CHST15: variants seen among roughly 807,000 people sequenced by gnomAD.
The protein encoded by CHST15 is carbohydrate sulfotransferase 15.
In CHST15, 30 loss-of-function variants were observed where a neutral mutation model predicts 53.6. That is an observed-to-expected ratio of 0.56 (90% CI 0.42 to 0.76). The LOEUF (loss-of-function observed/expected upper bound fraction) is 0.76. Ranked by LOEUF, CHST15 falls within the 30% of genes least tolerant of loss-of-function variation. The pLI is 0.00. For missense variants in CHST15, 627 were observed against 740.5 expected (o/e 0.85, Z 1.78); for synonymous variants, 296 against 289.8 (o/e 1.02, Z -0.22).
In CHST15 at chr10:124,010,089, T is replaced by G; in HGVS notation, c.*60A>C. On this transcript the variant is annotated 3_prime_UTR_variant, in exon 8 of 8. Transcript: ENST00000435907. ...TGAAACAGTTCCCCGCAAAGAGATT[T>G]GTAAAATCCTGATGATGACGGCATT... 1.2e-6 allele frequency: 2 copies of G among 1,610,734 alleles called. No individual in the cohort carries two copies.
chr10:124,021,603 T>A (rs1284882692), intron 5 of CHST15, among the ~76,000 whole-genome samples, 191 bp from the exon 6 acceptor site: 1 of 152,112 alleles, frequency 6.6e-6, no homozygotes, highest in African/African-American at 2.4e-5. Context: ...CGTGGCCACC[T>A]AAGCTCTTCC....
At chr10:124,038,102 TA>T (rs1204459766) in intron 5 of CHST15, among the ~76,000 whole-genome samples, 4 of 144,558 alleles carry the variant, frequency 2.8e-5, no homozygotes, top group African/African-American at 9.9e-5. Flanking sequence ...TGTTTGTTTT[TA>T]TTTTATTTTA....
rs764252495 is a variant in CHST15 at position 124,021,379 on chromosome 10, C to T, written c.1224G>A (p.Ser408=). Reference sequence around the variant, plus strand: ...CATGGAAGTCGTCCGCGGATTTATTCGAACTTGCAAAGTAGAGATAGTCTG... The same window carrying T: ...CATGGAAGTCGTCCGCGGATTTATTTGAACTTGCAAAGTAGAGATAGTCTG... ...LYSDYLYFAS[S]NKSADDFHEK... is the part of the protein sequence containing the mutation. Residue 408 remains serine (S), a synonymous_variant, in exon 6 of 8, where the codon TCG becomes TCA. Transcript: ENST00000435907. The T allele has an allele frequency of 5.6e-6, 9 of 1,613,806 alleles. No homozygotes were observed. The highest frequency in any genetic ancestry group is 5.3e-5 in the African/African-American group (4 of 74,904).
chr10:124,021,057 A>T (rs1415444251), intron 6 of CHST15, 199 bp downstream of exon 6: 5 of 1,443,176 alleles, frequency 3.5e-6, no homozygotes, highest in Non-Finnish European at 3.6e-6. Context: ...GCAGGGAGGA[A>T]GGCAGGAGCC....
At position 124,045,744 on chromosome 10, in the gene CHST15, T is replaced by C. The variant is rs761859751; in HGVS notation, c.469A>G (p.Asn157Asp). ...AACTCAATCCTAGTTGTGATGCTGT[T>C]GATAATTAATTTAATGCTTGGATAG... ...KDYPSIKLIINSITTRIEFTT... is the reference protein window; with the variant it reads ...KDYPSIKLIIDSITTRIEFTT... Residue 157 changes from asparagine to aspartate, a missense_variant, in exon 2 of 8, where the codon AAC becomes GAC. Coordinates refer to ENST00000435907, the MANE Select transcript of CHST15 (RefSeq NM_001270764.2). 2 of 1,614,054 alleles carry C rather than the reference T, an allele frequency of 1.2e-6. No individual in the cohort carries two copies. The highest frequency in any genetic ancestry group is 1.3e-5 in the African/African-American group (1 of 74,932).
intron 1 of CHST15, among the ~76,000 whole-genome samples, chr10:124,077,188 G>A (rs978950283): frequency 1.1e-4 from 16 of 152,160 alleles, no homozygotes; most frequent in African/African-American, 1.7e-4. Context: ...CTTAGAGAAC[G>A]GCATTCCACC....
At chr10:124,045,572 AT>A in intron 2 of CHST15, 94 bp downstream of exon 2, 2 of 1,261,668 alleles carry the variant, frequency 1.6e-6, no homozygotes, top group Non-Finnish European at 2.2e-6. Flanking sequence ...TTTTTTAGTC[AT>A]TTTCCTTCTG....
intron 1 of CHST15, among the ~76,000 whole-genome samples, chr10:124,068,644 A>C (rs1195982444): frequency 2.0e-5 from 3 of 152,234 alleles, no homozygotes; most frequent in Middle Eastern, 3.2e-3. Flanking sequence ...CTTCATATTC[A>C]AATCCAGAAA....
chr10:124,091,225 A>T (rs2134275698), intron 1 of CHST15, among the ~76,000 whole-genome samples: 1 of 152,346 alleles, frequency 6.6e-6, no homozygotes, highest in East Asian at 1.9e-4. Flanking sequence ...TATATGATCT[A>T]TGTATGTCTT....
intron 5 of CHST15, among the ~76,000 whole-genome samples, chr10:124,027,560 G>A (rs552227524): frequency 1.3e-5 from 2 of 152,324 alleles, no homozygotes; most frequent in East Asian, 3.9e-4. Flanking sequence ...CCTCCCGCCA[G>A]GGCTCTGTGT....
intron 1 of CHST15, among the ~76,000 whole-genome samples, chr10:124,077,857 C>G (rs983268846): frequency 4.6e-5 from 7 of 152,204 alleles, no homozygotes; most frequent in African/African-American, 1.7e-4. Context: ...GAGGCAGGCA[C>G]AGCTCACTAC....
At position 124,036,125 on chromosome 10, in the gene CHST15, C is replaced by T. The variant is rs1947485914; in HGVS notation, c.1190+2390G>A. On this transcript the variant is annotated intron_variant, in intron 5 of 7. Coordinates refer to ENST00000435907, the MANE Select transcript of CHST15 (RefSeq NM_001270764.2). The surrounding 1 kb of genome is among the most constrained non-coding windows in gnomAD (Gnocchi z 5.1). ...GAGCACACCGAGCACTTGCGCCCTT[C>T]AGCTGGGGGCCGTGTCGGGGAGGGA... Among the ~76,000 whole-genome samples the T allele has an allele frequency of 6.6e-6, 1 of 152,238 alleles. No individual in the cohort carries two copies. Among genetic ancestry groups the T allele is most frequent in the Non-Finnish European group, 1.5e-5 (1 of 68,052 alleles).
At chr10:124,033,322 C>A (rs1947299588) in intron 5 of CHST15, among the ~76,000 whole-genome samples, 2 of 152,226 alleles carry the variant, frequency 1.3e-5, no homozygotes, top group Non-Finnish European at 2.9e-5. Context: ...AGAAAATATG[C>A]ACATAAACAC....
intron 3 of CHST15, among the ~76,000 whole-genome samples, chr10:124,042,694 G>A (rs2133985609): frequency 6.6e-6 from 1 of 152,308 alleles, no homozygotes; most frequent in African/African-American, 2.4e-5. Context: ...AAGCTAGACA[G>A]TGGCAGATTA....
At chr10:124,050,038 G>A (rs746724770) in intron 1 of CHST15, among the ~76,000 whole-genome samples, 11 of 152,072 alleles carry the variant, frequency 7.2e-5, no homozygotes, top group African/African-American at 2.2e-4. Context: ...TGCGGTGGGC[G>A]TGGGGGTGGG....
intron 1 of CHST15, among the ~76,000 whole-genome samples, chr10:124,072,332 G>C (rs943005231): frequency 7.2e-5 from 11 of 152,280 alleles, no homozygotes; most frequent in African/African-American, 2.6e-4. Flanking sequence ...TGTGGTTGGG[G>C]AGACCAGCAC....
Position 124,044,714 on chromosome 10 carries a change from C to G in CHST15, c.752G>C (p.Arg251Pro), listed in dbSNP as rs1338359559. Residue 251 changes from arginine (R) to proline (P), a missense_variant, in exon 3 of 8, where the codon CGC becomes CCC. This residue lies in a region of CHST15 where 161 missense variants were observed against 117.2 expected (regional missense o/e 1.37). Coordinates refer to ENST00000435907, the MANE Select transcript of CHST15 (RefSeq NM_001270764.2). ...TATGATGTAGAAGTGCGGCAGGCAGCGCAGGCGGAAGTGCTTCCCGTGCGC... is the reference window on the plus strand; with the variant it reads ...TATGATGTAGAAGTGCGGCAGGCAGGGCAGGCGGAAGTGCTTCCCGTGCGC... ...AHAHGKHFRLRCLPHFYIIGQ... is the reference protein window; with the variant it reads ...AHAHGKHFRLPCLPHFYIIGQ... 3.1e-6 allele frequency: 5 copies of G among 1,613,564 alleles called. No individual in the cohort carries two copies. The African/African-American group carries it at 6.7e-5, about 22-fold the overall frequency.
At chr10:124,092,150 C>A (rs1398197375) in intron 1 of CHST15, among the ~76,000 whole-genome samples, 1 of 152,220 alleles carries the variant, frequency 6.6e-6, no homozygotes, top group African/African-American at 2.4e-5. Flanking sequence ...GCCAATTGCG[C>A]CACAGCCCGC....
chr10:124,026,142 G>T (rs1946997359), intron 5 of CHST15, among the ~76,000 whole-genome samples: 1 of 152,194 alleles, frequency 6.6e-6, no homozygotes, highest in Admixed American at 6.5e-5. Context: ...TGAGGGTAGG[G>T]GAGGACTGGG....
Sources: allele counts gnomAD v4.1 joint callset (sites outside exome capture counted in the v4.1 genomes callset), GRCh38; gene constraint gnomAD v4.1.1; regional missense constraint gnomAD v4.1.1; non-coding constraint Gnocchi (gnomAD v3.1); transcripts MANE v1.5; gene names NCBI Gene and HGNC (gene_info 2026-07-23, HGNC 2026-07-21).